Variants in CNTN1 observed in about 807,000 individuals in gnomAD.
The protein encoded by CNTN1 is contactin 1, also known as contactin-1.
In CNTN1, 38 loss-of-function variants were observed where a neutral mutation model predicts 126.4. The ratio of observed to expected loss-of-function variants is 0.30; its 90% CI spans 0.23 to 0.39. The LOEUF (loss-of-function observed/expected upper bound fraction) is 0.39, where lower values mean the gene tolerates loss of function less well. Ranked by LOEUF, CNTN1 falls within the 10% of genes least tolerant of loss-of-function variation. The pLI, the probability that CNTN1 is intolerant of heterozygous loss-of-function variation, is 1.00. For missense variants in CNTN1, 1,009 were observed against 1,248.4 expected (o/e 0.81, Z 2.89); for synonymous variants, 413 against 422.6 (o/e 0.98, Z 0.28).
chr12:40,852,288 T>C (rs1942748577), intron 1 of CNTN1, among the ~76,000 whole-genome samples: 1 of 152,204 alleles, frequency 6.6e-6, no homozygotes, highest in Admixed American at 6.5e-5. Context: ...TCAGCCATAC[T>C]TAAGGTTGGT....
intron 1 of CNTN1, among the ~76,000 whole-genome samples, chr12:40,875,669 C>T (rs1315198676): frequency 1.3e-5 from 2 of 151,972 alleles, no homozygotes; most frequent in Non-Finnish European, 2.9e-5. Flanking sequence ...GCAGATTCAT[C>T]TAGGTTGTTG....
intron 14 of CNTN1, among the ~76,000 whole-genome samples, chr12:40,945,565 C>T (rs561031161): frequency 6.6e-6 from 1 of 151,308 alleles, no homozygotes; most frequent in Non-Finnish European, 1.5e-5. Context: ...AATTTGCAGA[C>T]AAAAATTGCC....
At position 40,779,054 on chromosome 12, in the gene CNTN1, C is replaced by G. The variant is rs73271624; in HGVS notation, c.-77+86462C>G. Among the ~76,000 whole-genome samples, 686 of 151,842 alleles carry G rather than the reference C, an allele frequency of 4.5e-3. 6 individuals are homozygous for G. The highest frequency in any genetic ancestry group is 0.015 in the African/African-American group (637 of 41,500). ...ACAGTCAGGTAGATGTAGTCTTACT[C>G]AAATACTAGCTGTATAATTTTGGGA... On this transcript the variant is annotated intron_variant, in intron 1 of 23. Coordinates refer to ENST00000551295, the MANE Select transcript of CNTN1 (RefSeq NM_001843.4).
In CNTN1 at chr12:41,070,217, A is replaced by T. The variant is rs983068413; in HGVS notation, c.*182A>T. The T allele has an allele frequency of 1.6e-5, 10 of 638,216 alleles. No homozygotes were observed. The African/African-American group carries it at 1.8e-4, about 12-fold the overall frequency. The allele number at this position is 638,216 out of a possible 1,614,324, so 39.5% of individuals were successfully genotyped here. A position where few individuals can be genotyped will look rare whatever the true frequency, so the allele number is the denominator to read the frequency against. The stretch of plus-strand genomic sequence containing the variant: ...GAGGCATTCGGGAACCCCTTCATCC[A>T]AAAGAATAAACTTTTAAATGGATAT... On this transcript the variant is annotated 3_prime_UTR_variant, in exon 24 of 24. Coordinates refer to ENST00000551295, the MANE Select transcript of CNTN1 (RefSeq NM_001843.4).
intron 20 of CNTN1, 136 bp from the exon 21 acceptor site, chr12:41,025,014 G>T (rs1592422363): frequency 1.1e-6 from 1 of 872,218 alleles, no homozygotes; most frequent in South Asian, 1.3e-5. Flanking sequence ...CTGATAAAAG[G>T]GTAGATATCA....
intron 1 of CNTN1, among the ~76,000 whole-genome samples, chr12:40,760,948 A>G (rs958921676): frequency 1.3e-5 from 2 of 152,104 alleles, no homozygotes; most frequent in Admixed American, 1.3e-4. Context: ...GCTCCAGAAC[A>G]CTGAATTGTT....
intron 1 of CNTN1, among the ~76,000 whole-genome samples, chr12:40,697,120 C>T (rs182628125): frequency 2.0e-5 from 3 of 152,230 alleles, no homozygotes; most frequent in African/African-American, 7.2e-5. Flanking sequence ...CTGACCATTT[C>T]CTTATGACAC....
chr12:40,864,673 T>C (rs1173378856), intron 1 of CNTN1, among the ~76,000 whole-genome samples: 3 of 152,218 alleles, frequency 2.0e-5, no homozygotes, highest in Non-Finnish European at 4.4e-5. Context: ...AACTACTTCA[T>C]TCCTTTTTAT....
rs1460266937 is a variant in CNTN1 at position 41,057,015 on chromosome 12, TAAATGATATTTATAAATATTATA to T, written c.2981-12941_2981-12919del. 2.9e-4 allele frequency among the ~76,000 whole-genome samples: 21 copies of T among 73,366 alleles called. 1 individual carries two copies. The highest frequency in any genetic ancestry group is 1.7e-3 in the Admixed American group (11 of 6,594). The allele number at this position is 73,366 out of a possible 152,430, so 48.1% of individuals were successfully genotyped here. On this transcript the variant is annotated intron_variant, in intron 23 of 23. Transcript: ENST00000551295. ...AATATTATAAATATTTAGATATTTA[TAAATGATATTTATAAATATTATA>T]AATATTTAGATATTTATAAATATTA...
intron 1 of CNTN1, among the ~76,000 whole-genome samples, chr12:40,813,203 T>C: frequency 7.5e-6 from 1 of 133,494 alleles, no homozygotes; most frequent in Non-Finnish European, 1.6e-5. Context: ...ACACAATAAT[T>C]TCAGTTTTTT....
At chr12:40,782,618 A>T (rs1004838366) in intron 1 of CNTN1, among the ~76,000 whole-genome samples, 1 of 151,988 alleles carries the variant, frequency 6.6e-6, no homozygotes, top group Non-Finnish European at 1.5e-5. Flanking sequence ...GGAATGATGC[A>T]TATTTGAGGA....
intron 17 of CNTN1, among the ~76,000 whole-genome samples, chr12:41,001,397 T>C (rs1948356931): frequency 6.6e-6 from 1 of 152,208 alleles, no homozygotes; most frequent in South Asian, 2.1e-4. Flanking sequence ...CATATGTGTG[T>C]CTTCTTTTGA....
Position 41,070,149 on chromosome 12 carries a change from C to T in CNTN1, c.*114C>T. 1 of 873,024 alleles carries T rather than the reference C, an allele frequency of 1.1e-6. No homozygotes were observed. Among genetic ancestry groups the T allele is most frequent in the Non-Finnish European group, 1.9e-6 (1 of 526,646 alleles). The allele number at this position is 873,024 out of a possible 1,614,324, so 54.1% of individuals were successfully genotyped here. A position where few individuals can be genotyped will look rare whatever the true frequency, so the allele number is the denominator to read the frequency against. On this transcript the variant is annotated 3_prime_UTR_variant, in exon 24 of 24. Coordinates refer to ENST00000551295, the MANE Select transcript of CNTN1 (RefSeq NM_001843.4). ...TCCATCCTAAGCCAAATAAATTATA[C>T]TTTAACAAACTATTCAACTGATTTA... is the stretch of plus-strand genomic sequence containing the variant.
intron 15 of CNTN1, among the ~76,000 whole-genome samples, chr12:40,967,958 G>T (rs1947366905): frequency 6.7e-6 from 1 of 150,362 alleles, no homozygotes; most frequent in South Asian, 2.1e-4. Context: ...TATATTATAT[G>T]TCATATAACA....
intron 4 of CNTN1, 45 bp downstream of exon 4, chr12:40,918,816 T>G: frequency 6.2e-7 from 1 of 1,606,576 alleles, no homozygotes; most frequent in Non-Finnish European, 8.5e-7. Flanking sequence ...GTCAGAGTAA[T>G]GATCACAGAT....
intron 1 of CNTN1, among the ~76,000 whole-genome samples, chr12:40,830,214 A>C (rs186353468): frequency 4.7e-4 from 71 of 152,298 alleles, no homozygotes; most frequent in Non-Finnish European, 8.8e-4. Context: ...AAAATCTAGA[A>C]TAAGATGTGC....
At chr12:40,877,051 G>A (rs1390789284) in intron 1 of CNTN1, among the ~76,000 whole-genome samples, 5 of 152,112 alleles carry the variant, frequency 3.3e-5, no homozygotes, top group South Asian at 2.1e-4. Context: ...ACTGAATTTC[G>A]CCAAAATAAT....
chr12:40,801,932 C>T (rs934497542), intron 1 of CNTN1, among the ~76,000 whole-genome samples: 1 of 150,612 alleles, frequency 6.6e-6, no homozygotes, highest in Non-Finnish European at 1.5e-5. Flanking sequence ...TATGAGGGCT[C>T]GAACTTGGTT....
chr12:40,726,755 A>G (rs1942360923), intron 1 of CNTN1, among the ~76,000 whole-genome samples: 2 of 151,862 alleles, frequency 1.3e-5, no homozygotes, highest in East Asian at 1.9e-4. Context: ...GTTTTAAAAA[A>G]CTCTGTTGGA....
Sources: allele counts gnomAD v4.1 joint callset (sites outside exome capture counted in the v4.1 genomes callset), GRCh38; gene constraint gnomAD v4.1.1; transcripts MANE v1.5; gene names NCBI Gene and HGNC (gene_info 2026-07-23, HGNC 2026-07-21).